N4BP1: variants seen among roughly 807,000 people sequenced by gnomAD.
N4BP1 encodes the protein NEDD4-binding protein 1.
Under a neutral mutation model 70.9 loss-of-function variants are expected in N4BP1, and 21 were observed. The ratio of observed to expected loss-of-function variants is 0.30; its 90% CI spans 0.21 to 0.43. The LOEUF (loss-of-function observed/expected upper bound fraction) is 0.43. Among genes scored for constraint, N4BP1 ranks in the 20% least tolerant of loss-of-function variants. The pLI is 1.00. For missense variants in N4BP1, 936 were observed against 1,069.4 expected (o/e 0.88, Z 1.74); for synonymous variants, 387 against 394.6 (o/e 0.98, Z 0.23).
At chr16:48,573,215 AAACAT>A (rs1164985040) in intron 1 of N4BP1, among the ~76,000 whole-genome samples, 2 of 152,324 alleles carry the variant, frequency 1.3e-5, no homozygotes, top group East Asian at 3.9e-4. Context: ...GGTAACTAAA[AAACAT>A]AACTATATTG....
chr16:48,592,598 C>T (rs1424025645), intron 1 of N4BP1, among the ~76,000 whole-genome samples: 1 of 152,168 alleles, frequency 6.6e-6, no homozygotes, highest in East Asian at 1.9e-4. Flanking sequence ...GAAAAATAAG[C>T]ACTTAAATCA....
At chr16:48,598,086 A>G (rs183492835) in intron 1 of N4BP1, among the ~76,000 whole-genome samples, 1 of 152,336 alleles carries the variant, frequency 6.6e-6, no homozygotes, top group East Asian at 1.9e-4. Context: ...CAGACAAAGC[A>G]ACTGATGTGC....
intron 1 of N4BP1, among the ~76,000 whole-genome samples, chr16:48,603,027 G>C (rs1876125812): frequency 6.6e-6 from 1 of 151,872 alleles, no homozygotes; most frequent in Non-Finnish European, 1.5e-5. Context: ...CATGAAACCA[G>C]GTACCAGGCT....
intron 1 of N4BP1, among the ~76,000 whole-genome samples, chr16:48,578,638 C>G (rs1964134112): frequency 6.6e-6 from 1 of 152,192 alleles, no homozygotes; most frequent in South Asian, 2.1e-4. Context: ...TACCAAAGTT[C>G]TGAAAACGTA....
intron 1 of N4BP1, among the ~76,000 whole-genome samples, chr16:48,575,254 T>C (rs535479335): frequency 1.1e-3 from 173 of 152,316 alleles, no homozygotes; most frequent in African/African-American, 4.0e-3. Flanking sequence ...AGTCCAAATA[T>C]CCATCATTTG....
chr16:48,606,117 T>C (rs542822659), intron 1 of N4BP1, among the ~76,000 whole-genome samples: 6 of 152,266 alleles, frequency 3.9e-5, no homozygotes, highest in Non-Finnish European at 7.4e-5. Context: ...ATACACTCCC[T>C]GGCACCAGAG....
intron 1 of N4BP1, among the ~76,000 whole-genome samples, chr16:48,573,120 A>G (rs569113232): frequency 6.6e-6 from 1 of 151,984 alleles, no homozygotes; most frequent in Non-Finnish European, 1.5e-5. Context: ...AAAAAAAAAA[A>G]AAAGAAAAAA....
intron 2 of N4BP1, among the ~76,000 whole-genome samples, chr16:48,555,643 T>C (rs1214840614): frequency 3.3e-5 from 5 of 152,160 alleles, no homozygotes; most frequent in Non-Finnish European, 7.4e-5. Flanking sequence ...CATTTTTAAC[T>C]AGAAAAAAGA....
rs1191186156 is a variant in N4BP1, at chr16:48,561,071, A to G, written c.1572T>C (p.Asn524=). The change falls in exon 2 of 7, where the codon AAT becomes AAC. Residue 524 remains asparagine, a synonymous_variant. Transcript: ENST00000262384. ...HQPRVPLFPE[N]GLHQQPEPLL... ...AGGGTTCTGGCTGCTGGTGTAAACC[A>G]TTTTCAGGAAAAAGTGGAACTCTGG... is the stretch of plus-strand genomic sequence containing the variant. 3.1e-6 allele frequency: 5 copies of G among 1,613,852 alleles called. No individual in the cohort carries two copies. In the African/African-American group the frequency reaches 6.7e-5, roughly 22 times the overall value.
At chr16:48,583,231 A>G (rs1457829959) in intron 1 of N4BP1, among the ~76,000 whole-genome samples, 1 of 152,236 alleles carries the variant, frequency 6.6e-6, no homozygotes, top group Non-Finnish European at 1.5e-5. Flanking sequence ...TCAGCCATAA[A>G]AAATAAAAAA....
chr16:48,596,433 T>C (rs2151100835), intron 1 of N4BP1, among the ~76,000 whole-genome samples: 1 of 152,314 alleles, frequency 6.6e-6, no homozygotes, highest in South Asian at 2.1e-4. Flanking sequence ...TCCTCTCACT[T>C]TGTGGTCAAC....
intron 1 of N4BP1, among the ~76,000 whole-genome samples, chr16:48,589,281 T>C (rs1490240327): frequency 1.3e-5 from 2 of 152,110 alleles, no homozygotes; most frequent in South Asian, 2.1e-4. Flanking sequence ...CAGGATGGGG[T>C]TGGTCAGCAG....
At chr16:48,587,102 T>TC (rs1964257132) in intron 1 of N4BP1, 2 of 152,244 alleles carry the variant, frequency 1.3e-5, no homozygotes, top group Admixed American at 1.3e-4. Context: ...TCTTCTTTCC[T>TC]CTCTTCCTTG....
Position 48,561,238 on chromosome 16 carries a change from C to G in N4BP1, c.1405G>C (p.Glu469Gln). ...RINTFRTVPI[E>Q]QKHEVWGSNQ... ...GAACCCCAGACTTCATGTTTCTGTT[C>G]TATTGGCACTGTTCTGAAAGTATTA... The change falls in exon 2 of 7, where the codon GAA (glutamate) becomes CAA (glutamine). Residue 469 changes from glutamate (E) to glutamine (Q), a missense_variant. Glu to Gln is a conservative substitution (Grantham distance 29). This residue lies in a region of N4BP1 where 515 missense variants were observed against 491.7 expected (regional missense o/e 1.05). Transcript: ENST00000262384. The G allele has an allele frequency of 1.9e-6, 3 of 1,613,922 alleles. No homozygotes were observed. The highest frequency in any genetic ancestry group is 2.5e-6 in the Non-Finnish European group (3 of 1,179,878).
intron 1 of N4BP1, among the ~76,000 whole-genome samples, chr16:48,565,426 A>T (rs575175957): frequency 6.6e-6 from 1 of 152,326 alleles, no homozygotes; most frequent in East Asian, 1.9e-4. Flanking sequence ...TTTCTTCCTA[A>T]GCCTGTTAAT....
intron 1 of N4BP1, among the ~76,000 whole-genome samples, chr16:48,564,864 A>G (rs1421983509): frequency 6.6e-6 from 1 of 152,228 alleles, no homozygotes; most frequent in African/African-American, 2.4e-5. Context: ...AGTTTTGAGA[A>G]TACAAATCCT....
At chr16:48,600,290 G>C (rs1421379461) in intron 1 of N4BP1, 2 of 1,141,266 alleles carry the variant, frequency 1.8e-6, no homozygotes, top group Non-Finnish European at 2.6e-6. Context: ...TTAAAAAGAA[G>C]CACAATCCTT....
At chr16:48,600,794 C>T in intron 1 of N4BP1, 1 of 270,404 alleles carries the variant, frequency 3.7e-6, no homozygotes, top group Non-Finnish European at 7.2e-6. Flanking sequence ...TACAAAACAT[C>T]AGATATTACA....
At chr16:48,560,544 T>A in intron 2 of N4BP1, 1 of 542,604 alleles carries the variant, frequency 1.8e-6, no homozygotes, top group Non-Finnish European at 3.2e-6. Context: ...AGAAATTAAG[T>A]TCAGCAGGGT....
Sources: gnomAD v4.1 joint callset for allele counts (sites outside exome capture counted in the v4.1 genomes callset) on GRCh38, gnomAD v4.1.1 for gene constraint, gnomAD v4.1.1 regional missense constraint, MANE v1.5 for transcripts, NCBI Gene and HGNC (gene_info 2026-07-23, HGNC 2026-07-21) for gene names.